Variants in SNTG2 observed in about 807,000 individuals in gnomAD.
SNTG2 encodes gamma-2-syntrophin.
A neutral mutation model predicts 70.9 loss-of-function variants in SNTG2; 74 were observed. That is an observed-to-expected ratio of 1.04 (90% confidence interval 0.86 to 1.27). The LOEUF (loss-of-function observed/expected upper bound fraction) is 1.27, where lower values mean the gene tolerates loss of function less well. Ranked by LOEUF, SNTG2 falls within the 50% of genes most tolerant of loss-of-function variation. SNTG2 has a pLI of 0.00. For synonymous variants in SNTG2, 278 were observed against 273.8 expected (o/e 1.02, Z -0.15); for missense variants, 717 against 690.7 (o/e 1.04, Z -0.43).
At chr2:982,760 T>C (rs1376450932) in intron 1 of SNTG2, among the ~76,000 whole-genome samples, 2 of 152,224 alleles carry the variant, frequency 1.3e-5, no homozygotes, top group African/African-American at 4.8e-5. Context: ...CGGGTTAGTA[T>C]TGACCGTGGC....
chr2:1,184,945 A>C (rs969933392), intron 8 of SNTG2, among the ~76,000 whole-genome samples: 1 of 152,236 alleles, frequency 6.6e-6, no homozygotes, highest in African/African-American at 2.4e-5. Context: ...AGTCTCATCT[A>C]AGACAAAGCA....
At chr2:1,105,935 C>T (rs988938435) in intron 4 of SNTG2, among the ~76,000 whole-genome samples, 3 of 152,352 alleles carry the variant, frequency 2.0e-5, no homozygotes, top group South Asian at 2.1e-4. Flanking sequence ...CCCCTGACCC[C>T]GAGGCCTCTC....
chr2:1,141,959 G>GGT (rs1668781323), intron 6 of SNTG2, among the ~76,000 whole-genome samples: 1 of 3,638 alleles, frequency 2.7e-4, no homozygotes, highest in South Asian at 0.12. Context: ...GGGTCCAGCA[G>GGT]CATTTTTTGT....
At chr2:1,109,324 C>T (rs909624664) in intron 4 of SNTG2, among the ~76,000 whole-genome samples, 1 of 152,054 alleles carries the variant, frequency 6.6e-6, no homozygotes, top group South Asian at 2.1e-4. Flanking sequence ...CACAGCAAAA[C>T]TTTCGAAACC....
rs187206607 is a variant in SNTG2 at position 1,167,266 on chromosome 2, G to A, written c.499+1631G>A. 1.6e-3 allele frequency among the ~76,000 whole-genome samples: 241 copies of A among 150,324 alleles called. 2 individuals carry two copies. The highest frequency in any genetic ancestry group is 5.8e-3 in the African/African-American group (236 of 40,738). On this transcript the variant is annotated intron_variant, in intron 7 of 16. Transcript: ENST00000308624. ...ACGACAGAACTGAAACCAACAAGCC[G>A]CCCACAGACGGCAGAACTGAAGCCT... is the stretch of plus-strand genomic sequence containing the variant.
chr2:986,324 A>T (rs1661323313), intron 1 of SNTG2, among the ~76,000 whole-genome samples: 1 of 152,218 alleles, frequency 6.6e-6, no homozygotes, highest in African/African-American at 2.4e-5. Context: ...GCAATGACAA[A>T]GGTAACTTTA....
chr2:1,159,249 ATGCAGGTGTGTG>A, intron 6 of SNTG2: 1 of 120,232 alleles, frequency 8.3e-6, no homozygotes, highest in Non-Finnish European at 1.8e-5. Flanking sequence ...GTGTGTGTGT[ATGCAGGTGTGTG>A]TGCATGTGTG....
At chr2:960,331 G>A (rs1256468487) in intron 1 of SNTG2, among the ~76,000 whole-genome samples, 1 of 152,342 alleles carries the variant, frequency 6.6e-6, no homozygotes, top group Non-Finnish European at 1.5e-5. Flanking sequence ...CAGTTCTCCC[G>A]AGAGCTCGGG....
intron 1 of SNTG2, among the ~76,000 whole-genome samples, chr2:967,935 G>T (rs1660622630): frequency 6.6e-6 from 1 of 152,040 alleles, no homozygotes; most frequent in South Asian, 2.1e-4. Context: ...AGAGGCAGGA[G>T]AATTGCTTGA....
intron 16 of SNTG2, among the ~76,000 whole-genome samples, chr2:1,339,901 G>C (rs1347091087): frequency 1.3e-5 from 2 of 152,202 alleles, no homozygotes; most frequent in Admixed American, 6.5e-5. Flanking sequence ...GGCTGCTGCA[G>C]CACTCCCGGA....
intron 10 of SNTG2, among the ~76,000 whole-genome samples, chr2:1,239,100 G>A (rs1374441137): frequency 6.6e-6 from 1 of 152,214 alleles, no homozygotes; most frequent in African/African-American, 2.4e-5. Flanking sequence ...CAATAAATAG[G>A]GAAGAAAGGA....
In SNTG2 at chr2:1,091,130, C is replaced by T. The variant is rs542819687; in HGVS notation, c.211-7066C>T. ...GTTGAAGGGCGATGACAGGCCCATT[C>T]GCATCTGTGACTAATCTTGGTGGGT... On this transcript the variant is annotated intron_variant, in intron 2 of 16. Coordinates refer to ENST00000308624, the MANE Select transcript of SNTG2 (RefSeq NM_018968.4). 5.2e-4 allele frequency among the ~76,000 whole-genome samples: 79 copies of T among 152,238 alleles called. 1 individual carries two copies. The South Asian group carries it at 0.014, about 26-fold the overall frequency.
chr2:1,058,190 C>A (rs538276099), intron 1 of SNTG2, among the ~76,000 whole-genome samples: 1 of 151,682 alleles, frequency 6.6e-6, no homozygotes, highest in South Asian at 2.1e-4. Flanking sequence ...TCTACCAACA[C>A]GTAAATTTAG....
At chr2:1,232,342 C>T (rs1676310540) in intron 9 of SNTG2, among the ~76,000 whole-genome samples, 1 of 152,092 alleles carries the variant, frequency 6.6e-6, no homozygotes, top group Non-Finnish European at 1.5e-5. Context: ...CTTAGTTGCC[C>T]AGGCCAGAGT....
chr2:991,144 T>A (rs552242638), intron 1 of SNTG2, among the ~76,000 whole-genome samples: 1 of 152,216 alleles, frequency 6.6e-6, no homozygotes, highest in South Asian at 2.1e-4. Context: ...AATGAGATGA[T>A]TTAGTACCAG....
Position 1,100,996 on chromosome 2 carries a change from C to T in SNTG2, c.325+2586C>T, listed in dbSNP as rs114955511. On this transcript the variant is annotated intron_variant, in intron 4 of 16. Transcript: ENST00000308624. ...TCATCCCTGCCTCAGGCAACCAAGGCTTGGTGAGTGTGGTCAGGAGAAACT... is the reference window on the plus strand; with the variant it reads ...TCATCCCTGCCTCAGGCAACCAAGGTTTGGTGAGTGTGGTCAGGAGAAACT... Among the ~76,000 whole-genome samples, 919 of 152,276 alleles carry T rather than the reference C, an allele frequency of 6.0e-3. 14 individuals carry two copies. The highest frequency in any genetic ancestry group is 0.021 in the African/African-American group (885 of 41,552).
intron 1 of SNTG2, among the ~76,000 whole-genome samples, chr2:976,370 C>A (rs909386036): frequency 6.6e-6 from 1 of 152,098 alleles, no homozygotes; most frequent in Non-Finnish European, 1.5e-5. Flanking sequence ...TTGTGATGAG[C>A]TTGAGTGGTT....
rs1660698650 is a variant in SNTG2, at chr2:1,353,655, G to C, written c.1489-13688G>C. 1 of 152,168 alleles carries C rather than the reference G, an allele frequency of 6.6e-6. No homozygotes were observed. Among genetic ancestry groups the C allele is most frequent in the South Asian group, 2.1e-4 (1 of 4,836 alleles). The allele number at this position is 152,168 out of a possible 1,614,324, so 9.4% of individuals were successfully genotyped here. A position where few individuals can be genotyped will look rare whatever the true frequency, so the allele number is the denominator to read the frequency against. ...AGTGGAAACGGTTCTCTTCAATGCT[G>C]ATTGACTTCACCTTTGCCCCCTTTC... On this transcript the variant is annotated intron_variant, in intron 16 of 16. Transcript: ENST00000308624. This position sits in a 1 kb window ranked among gnomAD's most constrained non-coding sequence, Gnocchi z 4.2.
intron 6 of SNTG2, among the ~76,000 whole-genome samples, chr2:1,147,480 C>A (rs1669176864): frequency 1.3e-5 from 2 of 152,266 alleles, no homozygotes; most frequent in African/African-American, 4.8e-5. Flanking sequence ...TGGATGCTTC[C>A]TGCCCTTGAA....
Sources: allele counts gnomAD v4.1 joint callset (sites outside exome capture counted in the v4.1 genomes callset), GRCh38; gene constraint gnomAD v4.1.1; non-coding constraint Gnocchi (gnomAD v3.1); transcripts MANE v1.5; gene names NCBI Gene and HGNC (gene_info 2026-07-23, HGNC 2026-07-21).